Variants in KIAA0825 observed in about 807,000 individuals in gnomAD.
KIAA0825 encodes uncharacterized protein KIAA0825.
In KIAA0825, 119 loss-of-function variants were observed where a neutral mutation model predicts 147.6. That is an observed-to-expected ratio of 0.81 (90% CI 0.69 to 0.94). The LOEUF (loss-of-function observed/expected upper bound fraction) is 0.94. Ranked by LOEUF, KIAA0825 falls within the 40% of genes least tolerant of loss-of-function variation. The probability of loss-of-function intolerance (pLI) is 0.00; values close to 1 mark genes in which losing one functional copy is unlikely to be tolerated. For missense variants in KIAA0825, 1,381 were observed against 1,472.7 expected, an observed-to-expected ratio of 0.94 and a Z score of 1.02; for synonymous variants, 470 against 518.1, an observed-to-expected ratio of 0.91 and a Z score of 1.26.
At chr5:94,159,909 T>C (rs1767391720) in intron 20 of KIAA0825, among the ~76,000 whole-genome samples, 1 of 152,246 alleles carries the variant, frequency 6.6e-6, no homozygotes, top group Non-Finnish European at 1.5e-5. Flanking sequence ...TTTACAATTA[T>C]TTATTAGTTA....
intron 14 of KIAA0825, among the ~76,000 whole-genome samples, chr5:94,420,049 T>C (rs1753973044): frequency 6.6e-6 from 1 of 151,972 alleles, no homozygotes; most frequent in African/African-American, 2.4e-5. Flanking sequence ...GAGTAGAAAT[T>C]TATCAGCATG....
chr5:94,431,766 C>T (rs200446888), intron 14 of KIAA0825, among the ~76,000 whole-genome samples: 2 of 152,218 alleles, frequency 1.3e-5, no homozygotes, highest in East Asian at 1.9e-4. Flanking sequence ...CCCCTTTCTT[C>T]AAGTGACTTC....
chr5:94,563,427 T>A (rs1187923310), intron 2 of KIAA0825, among the ~76,000 whole-genome samples: 2 of 151,980 alleles, frequency 1.3e-5, no homozygotes, highest in East Asian at 3.9e-4. Flanking sequence ...GTTCTATATG[T>A]CAATTATAGT....
At chr5:94,155,285 A>G (rs1180959103) in intron 20 of KIAA0825, among the ~76,000 whole-genome samples, 1 of 139,266 alleles carries the variant, frequency 7.2e-6, no homozygotes, top group Non-Finnish European at 1.5e-5. Context: ...TGGCACAACT[A>G]TGGCTCACTG....
At chr5:94,547,312 A>T (rs1774602580) in intron 2 of KIAA0825, among the ~76,000 whole-genome samples, 1 of 152,136 alleles carries the variant, frequency 6.6e-6, no homozygotes, top group South Asian at 2.1e-4. Context: ...AATTTTAAAA[A>T]TGGCACCTCA....
chr5:94,476,218 A>G (rs989018932), intron 7 of KIAA0825, among the ~76,000 whole-genome samples: 3 of 152,236 alleles, frequency 2.0e-5, no homozygotes, highest in Non-Finnish European at 4.4e-5. Context: ...CAAAAAGCAG[A>G]AACCACTCAA....
intron 20 of KIAA0825, among the ~76,000 whole-genome samples, chr5:94,356,000 G>A (rs1231092585): frequency 1.3e-5 from 2 of 152,170 alleles, no homozygotes; most frequent in African/African-American, 4.8e-5. Flanking sequence ...ATCTGGTTGG[G>A]AAGCAGATTT....
chr5:94,485,841 T>C (rs769188740), intron 5 of KIAA0825, among the ~76,000 whole-genome samples: 2 of 151,826 alleles, frequency 1.3e-5, no homozygotes, highest in Non-Finnish European at 3.0e-5. Context: ...TTAAGGTAGC[T>C]ATTGAATCTA....
At position 94,224,315 on chromosome 5, in the gene KIAA0825, C is replaced by G. The variant is rs557607782; in HGVS notation, c.3711-70191G>C. On this transcript the variant is annotated intron_variant, in intron 20 of 20. Transcript: ENST00000682413. The stretch of plus-strand genomic sequence containing the variant: ...TTCGCCATGTCAGCCAGGCTGGTCT[C>G]GAACTCCTGACCTCAGGTGATCAGC... 2.1e-3 allele frequency among the ~76,000 whole-genome samples: 322 copies of G among 151,740 alleles called. 1 individual carries two copies. Among genetic ancestry groups the G allele is most frequent in the Middle Eastern group, 3.4e-3 (1 of 294 alleles).
intron 20 of KIAA0825, among the ~76,000 whole-genome samples, chr5:94,368,663 T>G (rs1434397865): frequency 6.6e-6 from 1 of 152,184 alleles, no homozygotes; most frequent in Non-Finnish European, 1.5e-5. Context: ...GAGAAATGTT[T>G]AGAGGAAACA....
At chr5:94,326,275 G>A (rs977019130) in intron 20 of KIAA0825, among the ~76,000 whole-genome samples, 14 of 151,974 alleles carry the variant, frequency 9.2e-5, no homozygotes, top group Admixed American at 3.3e-4. Flanking sequence ...AGTTTGGCTC[G>A]GCAGAAATTC....
chr5:94,569,638 C>T (rs1452482306), intron 2 of KIAA0825: 7 of 358,788 alleles, frequency 2.0e-5, no homozygotes, highest in Admixed American at 4.8e-5. Context: ...GATGAAACCT[C>T]GGCTCACTTC....
intron 2 of KIAA0825, among the ~76,000 whole-genome samples, chr5:94,571,959 T>C (rs915624824): frequency 5.3e-5 from 8 of 152,294 alleles, no homozygotes; most frequent in Admixed American, 5.2e-4. Context: ...CACAATGGCA[T>C]GTGCCTGTAG....
At chr5:94,310,125 T>A (rs1053334629) in intron 20 of KIAA0825, among the ~76,000 whole-genome samples, 5 of 151,724 alleles carry the variant, frequency 3.3e-5, no homozygotes, top group African/African-American at 1.2e-4. Context: ...TAAGTTAACA[T>A]GCATCAAGAA....
intron 20 of KIAA0825, among the ~76,000 whole-genome samples, chr5:94,358,915 A>G (rs1429117950): frequency 6.6e-6 from 1 of 152,184 alleles, no homozygotes; most frequent in East Asian, 1.9e-4. Context: ...TATCATCACA[A>G]TCATTGCTAT....
chr5:94,382,080 C>T (rs1748490051), intron 20 of KIAA0825, among the ~76,000 whole-genome samples: 1 of 151,948 alleles, frequency 6.6e-6, no homozygotes, highest in Non-Finnish European at 1.5e-5. Context: ...AAATATATTA[C>T]CAATAAAAGG....
At chr5:94,373,415 T>A (rs114972658) in intron 20 of KIAA0825, among the ~76,000 whole-genome samples, 2,664 of 152,310 alleles carry the variant, frequency 0.017, 36 homozygotes, top group Non-Finnish European at 0.028. Flanking sequence ...AAATCTTTTT[T>A]TTAATAAAGG....
chr5:94,493,857 G>T (rs1157798184), intron 5 of KIAA0825, among the ~76,000 whole-genome samples: 1 of 152,040 alleles, frequency 6.6e-6, no homozygotes, highest in African/African-American at 2.4e-5. Context: ...CCATTGATAG[G>T]AGTAGTAATC....
chr5:94,228,979 C>T (rs537953281), intron 20 of KIAA0825, among the ~76,000 whole-genome samples: 6 of 152,180 alleles, frequency 3.9e-5, no homozygotes, highest in Non-Finnish European at 5.9e-5. Flanking sequence ...GATGAGAGAA[C>T]CAGTTTCCCC....
Sources: gnomAD v4.1 joint callset for allele counts (sites outside exome capture counted in the v4.1 genomes callset) on GRCh38, gnomAD v4.1.1 for gene constraint, MANE v1.5 for transcripts, NCBI Gene and HGNC (gene_info 2026-07-23, HGNC 2026-07-21) for gene names.